Variants in OR7G2 observed in about 807,000 individuals in gnomAD.
The protein encoded by OR7G2 is olfactory receptor family 7 subfamily G member 2.
For missense variants in OR7G2, 362 were observed against 384.0 expected (o/e 0.94, Z 0.48); for synonymous variants, 153 against 152.2 (o/e 1.01, Z -0.04).
chr19:9,104,291 C>G (rs1485740564), intron 1 of OR7G2, among the ~76,000 whole-genome samples: 1 of 152,096 alleles, frequency 6.6e-6, no homozygotes, highest in African/African-American at 2.4e-5. Flanking sequence ...ACCACATGTA[C>G]CTTTGGGATT....
In OR7G2 at chr19:9,102,392, C is replaced by T. The variant is rs1317572325; in HGVS notation, c.852G>A (p.Met284Ile). 1 of 1,613,788 alleles carries T rather than the reference C, an allele frequency of 6.2e-7. No individual in the cohort carries two copies. Among genetic ancestry groups the T allele is most frequent in the East Asian group, 2.2e-5 (1 of 44,886 alleles). The change falls in exon 2 of 2, where the codon ATG becomes ATA. Residue 284 changes from methionine (M) to isoleucine (I), a missense_variant. Coordinates refer to ENST00000641081, the MANE Select transcript of OR7G2 (RefSeq NM_001005193.2). ...TCAGACTATAGATAAAGGGGTTCAC[C>T]ATTTGAGGGAACACAGAATACATCA... is the stretch of plus-strand genomic sequence containing the variant. ...ASVMYSVFPQ[M>I]VNPFIYSLRN...
intron 1 of OR7G2, among the ~76,000 whole-genome samples, chr19:9,105,719 C>A (rs890160827): frequency 3.9e-5 from 6 of 151,942 alleles, no homozygotes; most frequent in African/African-American, 9.7e-5. Flanking sequence ...TGGTGGCATG[C>A]ACCTGCAATC....
rs1180478633 is a variant in OR7G2, at chr19:9,107,343, A to G, written c.-46T>C. On this transcript the variant is annotated 5_prime_UTR_variant, in exon 1 of 2. Transcript: ENST00000641081. ...ATATTGCAGAGGATGATCTATCCTC[A>G]GGAAGTGCAGACAGACTCGAGTCCT... 6.6e-6 allele frequency: 1 copy of G among 152,204 alleles called. No individual in the cohort carries two copies. The highest frequency in any genetic ancestry group is 1.5e-5 in the Non-Finnish European group (1 of 68,032). 9.4% of individuals were successfully genotyped at this position (152,204 alleles called of 1,614,324 possible).
chr19:9,105,469 A>G (rs1029970712), intron 1 of OR7G2, among the ~76,000 whole-genome samples: 4 of 152,214 alleles, frequency 2.6e-5, no homozygotes, highest in Non-Finnish European at 4.4e-5. Flanking sequence ...TTCATCACAT[A>G]AAAAGAACTA....
At position 9,103,273 on chromosome 19, in the gene OR7G2, T is replaced by C; in HGVS notation, c.-16-14A>G. ...TTGATGATGAATCTGATGGAAAAGA[T>C]AATAAAATCTGTAAGCAGCAGCTGC... On this transcript the variant is annotated splice_polypyrimidine_tract_variant and intron_variant, in intron 1 of 1. Transcript: ENST00000641081. 1 of 1,613,668 alleles carries C rather than the reference T, an allele frequency of 6.2e-7. No homozygotes were observed. The highest frequency in any genetic ancestry group is 8.5e-7 in the Non-Finnish European group (1 of 1,179,754).
chr19:9,105,448 A>G (rs1227670780), intron 1 of OR7G2, among the ~76,000 whole-genome samples: 1 of 152,226 alleles, frequency 6.6e-6, no homozygotes, highest in African/African-American at 2.4e-5. Flanking sequence ...TACAGAAATC[A>G]ATAAATGTGA....
At position 9,102,205 on chromosome 19, in the gene OR7G2, GA is replaced by G. The variant is rs979278290; in HGVS notation, c.*63del. The stretch of plus-strand genomic sequence containing the variant: ...AGACAGAGAAAGACTCCATCTCAGA[GA>G]AAAAAACAAAACAAAACAAAGAGTC... On this transcript the variant is annotated 3_prime_UTR_variant, in exon 2 of 2. Coordinates refer to ENST00000641081, the MANE Select transcript of OR7G2 (RefSeq NM_001005193.2). The G allele has an allele frequency of 4.1e-6, 6 of 1,451,222 alleles. No individual in the cohort carries two copies. The South Asian group carries it at 5.5e-5, about 13-fold the overall frequency. The allele number at this position is 1,451,222 out of a possible 1,614,324, so 89.9% of individuals were successfully genotyped here.
At chr19:9,104,600 G>C (rs981636240) in intron 1 of OR7G2, among the ~76,000 whole-genome samples, 25 of 151,896 alleles carry the variant, frequency 1.6e-4, no homozygotes, top group Non-Finnish European at 4.4e-5. Context: ...GGCCGAGGCG[G>C]GCAGATCACG....
intron 1 of OR7G2, among the ~76,000 whole-genome samples, chr19:9,105,040 G>C (rs561967299): frequency 6.6e-6 from 1 of 150,952 alleles, no homozygotes; most frequent in East Asian, 2.0e-4. Context: ...GCGCGATCTC[G>C]GCTCCCTGCA....
In OR7G2 at chr19:9,100,884, A is replaced by G. The variant is rs1312274683; in HGVS notation, c.*1385T>C. 6.6e-6 allele frequency: 1 copy of G among 152,152 alleles called. No homozygotes were observed. Among genetic ancestry groups the G allele is most frequent in the Non-Finnish European group, 1.5e-5 (1 of 68,064 alleles). 9.4% of individuals were successfully genotyped at this position (152,152 alleles called of 1,614,324 possible). A position where few individuals can be genotyped will look rare whatever the true frequency, so the allele number is the denominator to read the frequency against. The stretch of plus-strand genomic sequence containing the variant: ...GCAGCGCACAGTGACTTCACCACTA[A>G]TCTCAGATCTTTGGGAGGCCATGGC... On this transcript the variant is annotated 3_prime_UTR_variant, in exon 2 of 2. Coordinates refer to ENST00000641081, the MANE Select transcript of OR7G2 (RefSeq NM_001005193.2).
At position 9,102,615 on chromosome 19, in the gene OR7G2, G is replaced by A; in HGVS notation, c.629C>T (p.Pro210Leu). Residue 210 changes from proline (P) to leucine (L), a missense_variant, in exon 2 of 2, where the codon CCT (proline) becomes CTT (leucine). Pro to Leu is a moderately conservative substitution (Grantham distance 98, BLOSUM62 -3). Transcript: ENST00000641081. ...GTAAGACAAAATGATTCCAGACAGA[G>A]GAACACCACCAAATATGCAAGCTGC... is the stretch of plus-strand genomic sequence containing the variant. ...YFAACIFGGV[P>L]LSGIILSYTQ... 1.2e-6 allele frequency: 2 copies of A among 1,614,110 alleles called. No homozygotes were observed. Among genetic ancestry groups the A allele is most frequent in the Non-Finnish European group, 8.5e-7 (1 of 1,180,006 alleles).
Position 9,102,911 on chromosome 19 carries a change from T to C in OR7G2, c.333A>G (p.Glu111=). 1 of 1,614,118 alleles carries C rather than the reference T, an allele frequency of 6.2e-7. No individual in the cohort carries two copies. The highest frequency in any genetic ancestry group is 8.5e-7 in the Non-Finnish European group (1 of 1,180,014). The change falls in exon 2 of 2, where the codon GAA becomes GAG. Residue 111 remains glutamate, a synonymous_variant. Transcript: ENST00000641081. The stretch of plus-strand genomic sequence containing the variant: ...AGGCCATTGCTGCAAGGAGACAATT[T>C]TCCAAGCCAGCAAAAAACAAGACAA... The part of the protein sequence containing the change: ...ICFVLFFAGL[E]NCLLAAMAYD...
At position 9,102,828 on chromosome 19, in the gene OR7G2, C is replaced by T. The variant is rs553447676; in HGVS notation, c.416G>A (p.Arg139His). 4.6e-5 allele frequency: 75 copies of T among 1,613,554 alleles called. No individual in the cohort carries two copies. The highest frequency in any genetic ancestry group is 1.7e-4 in the Middle Eastern group (1 of 6,058). Reference protein sequence around the residue: ...PLRYTVIMNPRLCGLLILLSL... With the variant: ...PLRYTVIMNPHLCGLLILLSL... ...GAGAAGAATCAGCAGGCCACAGAGGCGGGGGTTCATGATGACTGTGTATCT... is the reference window on the plus strand; with the variant it reads ...GAGAAGAATCAGCAGGCCACAGAGGTGGGGGTTCATGATGACTGTGTATCT... Residue 139 changes from arginine to histidine, a missense_variant, in exon 2 of 2, where the codon CGC (arginine) becomes CAC (histidine). Coordinates refer to ENST00000641081, the MANE Select transcript of OR7G2 (RefSeq NM_001005193.2).
chr19:9,104,969 TTTTTC>T (rs2050377926), intron 1 of OR7G2, among the ~76,000 whole-genome samples: 1 of 151,876 alleles, frequency 6.6e-6, no homozygotes, highest in Non-Finnish European at 1.5e-5. Flanking sequence ...TCTTTTTTTC[TTTTTC>T]TTTTTCTTTT....
chr19:9,102,331 T>G lies in OR7G2; in HGVS notation c.913A>C (p.Ile305Leu), dbSNP rs2050358539. The G allele has an allele frequency of 3.7e-6, 6 of 1,614,100 alleles. No homozygotes were observed. Among genetic ancestry groups the G allele is most frequent in the Non-Finnish European group, 5.1e-6 (6 of 1,179,984 alleles). ...CACAGAAGAGAAGGTATCCTCCCTA[T>G]GAACTTCCTCAAGGTTCCTTTCATG... ...KDMKGTLRKF[I>L]GRIPSLLWCA... Residue 305 changes from isoleucine (I) to leucine (L), a missense_variant, in exon 2 of 2, where the codon ATA becomes CTA. Transcript: ENST00000641081.
chr19:9,106,728 T>G (rs566316821), intron 1 of OR7G2, among the ~76,000 whole-genome samples: 1 of 108,920 alleles, frequency 9.2e-6, no homozygotes, highest in East Asian at 3.4e-4. Context: ...CAGAGCAAGA[T>G]TCCATCTCAA....
Position 9,102,861 on chromosome 19 carries a change from T to C in OR7G2, c.383A>G (p.His128Arg). 6.2e-7 allele frequency: 1 copy of C among 1,612,512 alleles called. No individual in the cohort carries two copies. Among genetic ancestry groups the C allele is most frequent in the East Asian group, 2.2e-5 (1 of 44,844 alleles). Reference protein sequence around the residue: ...MAYDRYVAICHPLRYTVIMNP... With the variant: ...MAYDRYVAICRPLRYTVIMNP... Reference sequence around the variant, plus strand: ...CATGATGACTGTGTATCTAAGGGGGTGACAAATGGCCACATAGCGGTCATA... The same window carrying C: ...CATGATGACTGTGTATCTAAGGGGGCGACAAATGGCCACATAGCGGTCATA... Residue 128 changes from histidine (H) to arginine (R), a missense_variant, in exon 2 of 2, where the codon CAC (histidine) becomes CGC (arginine). Physicochemically the swap from His to Arg is conservative, Grantham distance 29. Transcript: ENST00000641081.
intron 1 of OR7G2, among the ~76,000 whole-genome samples, chr19:9,103,591 C>T (rs1475856155): frequency 6.7e-6 from 1 of 149,374 alleles, no homozygotes; most frequent in Non-Finnish European, 1.5e-5. Flanking sequence ...ATTGCAAGCT[C>T]CACCTCCATG....
In OR7G2 at chr19:9,100,974, C is replaced by T. The variant is rs2050350923; in HGVS notation, c.*1295G>A. ...GCAACATAGCCAGAGTCCATCTCTA[C>T]ACCACACCCCACACTGGACGTGGTG... On this transcript the variant is annotated 3_prime_UTR_variant, in exon 2 of 2. Coordinates refer to ENST00000641081, the MANE Select transcript of OR7G2 (RefSeq NM_001005193.2). 6.6e-6 allele frequency: 1 copy of T among 152,092 alleles called. No individual in the cohort carries two copies. The highest frequency in any genetic ancestry group is 2.1e-4 in the South Asian group (1 of 4,806). The allele number at this position is 152,092 out of a possible 1,614,324, so 9.4% of individuals were successfully genotyped here.
Sources: gnomAD v4.1 joint callset for allele counts (sites outside exome capture counted in the v4.1 genomes callset) on GRCh38, gnomAD v4.1.1 for gene constraint, MANE v1.5 for transcripts, NCBI Gene and HGNC (gene_info 2026-07-23, HGNC 2026-07-21) for gene names.